The following CACNA2D1 variants were observed in gnomAD, a reference collection of about 807,000 sequenced individuals.
The protein encoded by CACNA2D1 is voltage-dependent calcium channel subunit alpha-2/delta-1.
Under a neutral mutation model 171.5 loss-of-function variants are expected in CACNA2D1, and 53 were observed. That is an observed-to-expected ratio of 0.31 (90% CI 0.25 to 0.39). The LOEUF is 0.39. CACNA2D1 is among the 10% of genes least tolerant of loss of function. The probability of loss-of-function intolerance (pLI) is 1.00; values close to 1 mark genes in which losing one functional copy is unlikely to be tolerated. For missense variants in CACNA2D1, 903 were observed against 1,299.8 expected (o/e 0.69, Z 4.69); for synonymous variants, 442 against 443.1 (o/e 1.00, Z 0.03).
chr7:82,416,101 G>A (rs976512139), intron 1 of CACNA2D1, among the ~76,000 whole-genome samples: 9 of 151,950 alleles, frequency 5.9e-5, no homozygotes, highest in Admixed American at 3.9e-4. Context: ...TGTAATCCCA[G>A]CTACTCGGGA....
intron 3 of CACNA2D1, among the ~76,000 whole-genome samples, chr7:82,246,950 C>T (rs1382354583): frequency 6.6e-6 from 1 of 152,030 alleles, no homozygotes; most frequent in Non-Finnish European, 1.5e-5. Context: ...TCCACTTCTC[C>T]AGGTCCATTG....
At chr7:81,985,234 T>G (rs1018740629) in intron 21 of CACNA2D1, among the ~76,000 whole-genome samples, 1 of 129,092 alleles carries the variant, frequency 7.7e-6, no homozygotes, top group African/African-American at 3.0e-5. Flanking sequence ...AAGGTCTCAC[T>G]CTATCCCCCA....
At chr7:81,950,661 T>G (rs1792414755) in intron 38 of CACNA2D1, among the ~76,000 whole-genome samples, 153 bp from the exon 39 acceptor site, 1 of 152,106 alleles carries the variant, frequency 6.6e-6, no homozygotes, top group Admixed American at 6.6e-5. Flanking sequence ...AAGAAATTAC[T>G]TTCTCCTAGA....
rs182872751 is a variant in CACNA2D1 at position 82,098,410 on chromosome 7, A to C, written c.527-13510T>G. On this transcript the variant is annotated intron_variant, in intron 6 of 38. Transcript: ENST00000356860. ...AGGATGTTGAAACCAATACAAACCC[A>C]TTATTTTCTAATGCATTGTTTTATT... is the stretch of plus-strand genomic sequence containing the variant. Among the ~76,000 whole-genome samples the C allele has an allele frequency of 2.8e-3, 431 of 152,282 alleles. 1 individual carries two copies. Among genetic ancestry groups the C allele is most frequent in the African/African-American group, 9.9e-3 (412 of 41,552 alleles).
chr7:82,391,098 C>T (rs77552431), intron 1 of CACNA2D1, among the ~76,000 whole-genome samples: 1,646 of 152,208 alleles, frequency 0.011, 17 homozygotes, highest in Middle Eastern at 0.017. Context: ...TAACAAATGT[C>T]TCCATCAATA....
At chr7:82,001,776 T>A in intron 18 of CACNA2D1, 1 of 563,896 alleles carries the variant, frequency 1.8e-6, no homozygotes, top group Non-Finnish European at 2.8e-6. Context: ...ACGGGTTCTA[T>A]CCTATAATCA....
intron 3 of CACNA2D1, among the ~76,000 whole-genome samples, chr7:82,284,231 G>A (rs139237494): frequency 0.015 from 2,195 of 150,404 alleles, 57 homozygotes; most frequent in African/African-American, 0.05. Context: ...AAACTATAAA[G>A]AAAAAGGTAA....
At chr7:82,024,396 G>A (rs1562885392) in intron 12 of CACNA2D1, among the ~76,000 whole-genome samples, 1 of 151,620 alleles carries the variant, frequency 6.6e-6, no homozygotes, top group Non-Finnish European at 1.5e-5. Context: ...TTTCCCTGAT[G>A]ACCAGTAATG....
intron 1 of CACNA2D1, among the ~76,000 whole-genome samples, chr7:82,425,564 C>CA (rs1199215341): frequency 1.4e-5 from 2 of 143,448 alleles, no homozygotes; most frequent in African/African-American, 2.6e-5. Context: ...TTTTAAGAGA[C>CA]AGAGTCTTGC....
intron 3 of CACNA2D1, among the ~76,000 whole-genome samples, chr7:82,277,063 A>G (rs936921272): frequency 6.6e-6 from 1 of 151,994 alleles, no homozygotes; most frequent in African/African-American, 2.4e-5. Context: ...CTCTTTTTTT[A>G]ACATCACTTT....
At chr7:82,092,702 C>T (rs755244972) in intron 6 of CACNA2D1, among the ~76,000 whole-genome samples, 8 of 151,370 alleles carry the variant, frequency 5.3e-5, no homozygotes, top group Non-Finnish European at 1.0e-4. Flanking sequence ...CACTTCACAG[C>T]CATTTTTATG....
chr7:81,992,095 G>A (rs2130750380), intron 20 of CACNA2D1, among the ~76,000 whole-genome samples: 1 of 150,858 alleles, frequency 6.6e-6, no homozygotes, highest in South Asian at 2.1e-4. Context: ...CACCCGCCTC[G>A]GCCTCCCAAA....
intron 3 of CACNA2D1, among the ~76,000 whole-genome samples, chr7:82,277,809 G>C (rs966049554): frequency 6.9e-6 from 1 of 145,188 alleles, no homozygotes; most frequent in South Asian, 2.2e-4. Context: ...GCAGTGGTGT[G>C]ATCTCGGCTC....
chr7:81,990,399 A>C (rs2130732043), intron 21 of CACNA2D1, among the ~76,000 whole-genome samples: 1 of 152,226 alleles, frequency 6.6e-6, no homozygotes, highest in South Asian at 2.1e-4. Flanking sequence ...CATTTGCAAA[A>C]CAGTGAACTA....
intron 1 of CACNA2D1, among the ~76,000 whole-genome samples, chr7:82,397,634 C>T (rs1446667270): frequency 6.6e-6 from 1 of 152,174 alleles, no homozygotes; most frequent in African/African-American, 2.4e-5. Context: ...GGTATCTGCA[C>T]AAGGAGCAAT....
intron 1 of CACNA2D1, among the ~76,000 whole-genome samples, chr7:82,439,055 A>G (rs1304592061): frequency 6.6e-6 from 1 of 152,146 alleles, no homozygotes; most frequent in African/African-American, 2.4e-5. Context: ...TCCAATTTAA[A>G]GTTATAAATA....
In CACNA2D1 at chr7:82,262,455, A is replaced by G. The variant is rs1036302626; in HGVS notation, c.294+72680T>C. 3.9e-5 allele frequency among the ~76,000 whole-genome samples: 6 copies of G among 152,194 alleles called. 1 individual carries two copies. In the South Asian group the frequency reaches 1.2e-3, roughly 31 times the overall value. On this transcript the variant is annotated intron_variant, in intron 3 of 38. Coordinates refer to ENST00000356860, the MANE Select transcript of CACNA2D1 (RefSeq NM_000722.4). ...TTGGTCACTGGCTCCAGATAAACAG[A>G]GAAAGCTTTAGCCTACACTTGAAAA...
intron 1 of CACNA2D1, among the ~76,000 whole-genome samples, chr7:82,359,107 C>G (rs1820794743): frequency 1.3e-5 from 2 of 152,090 alleles, no homozygotes; most frequent in Non-Finnish European, 2.9e-5. Flanking sequence ...TAGCCTGATG[C>G]CAGCCGAGGT....
In CACNA2D1 at chr7:81,959,464, T is replaced by C. The variant is rs1245486645; in HGVS notation, c.3077-107A>G. ...ACATGTGAGAGAGATAACTTATACA[T>C]CATTACTCTCATCCAACACAATTCA... On this transcript the variant is annotated intron_variant, in intron 37 of 38. Coordinates refer to ENST00000356860, the MANE Select transcript of CACNA2D1 (RefSeq NM_000722.4). 2.6e-5 allele frequency: 21 copies of C among 811,228 alleles called. No homozygotes were observed. The highest frequency in any genetic ancestry group is 4.3e-5 in the Non-Finnish European group (20 of 470,270). 50.3% of individuals were successfully genotyped at this position (811,228 alleles called of 1,614,324 possible).
Sources: gnomAD v4.1 joint callset for allele counts (sites outside exome capture counted in the v4.1 genomes callset) on GRCh38, gnomAD v4.1.1 for gene constraint, MANE v1.5 for transcripts, NCBI Gene and HGNC (gene_info 2026-07-23, HGNC 2026-07-21) for gene names.